The following CAST variants were observed in gnomAD, a reference collection of about 807,000 sequenced individuals.
The protein encoded by CAST is MIR583 host.
CAST carries 76 observed loss-of-function variants against 119.6 expected under a neutral mutation model. That is an observed-to-expected ratio of 0.64 (90% confidence interval 0.53 to 0.77). The LOEUF (loss-of-function observed/expected upper bound fraction) is 0.77. Ranked by LOEUF, CAST falls within the 30% of genes least tolerant of loss-of-function variation. CAST has a pLI of 0.00. For synonymous variants in CAST, 319 were observed against 331.6 expected (o/e 0.96, Z 0.41); for missense variants, 953 against 946.5 (o/e 1.01, Z -0.09).
chr5:96,496,979 T>G, the CAST span, among the ~76,000 whole-genome samples: 1 of 151,462 alleles, frequency 6.6e-6, no homozygotes, highest in African/African-American at 2.4e-5. Flanking sequence ...CATTTAACAT[T>G]AGGTATATCT....
chr5:96,147,531 A>G, the CAST span, among the ~76,000 whole-genome samples: 3 of 152,160 alleles, frequency 2.0e-5, no homozygotes, highest in African/African-American at 7.2e-5. Flanking sequence ...TGAACCTGGG[A>G]GGCGGAGCTT....
the CAST span, among the ~76,000 whole-genome samples, chr5:96,388,813 A>C: frequency 6.6e-6 from 1 of 152,162 alleles, no homozygotes; most frequent in Non-Finnish European, 1.5e-5. Flanking sequence ...CATTCAAAAG[A>C]AAGTAGAGAC....
the CAST span, among the ~76,000 whole-genome samples, chr5:96,031,906 A>G: frequency 6.6e-6 from 1 of 152,152 alleles, no homozygotes; most frequent in East Asian, 1.9e-4. Flanking sequence ...TAAGGTTGGA[A>G]TCAAGACATC....
the CAST span, among the ~76,000 whole-genome samples, chr5:96,367,432 C>T: frequency 6.6e-6 from 1 of 152,176 alleles, no homozygotes; most frequent in African/African-American, 2.4e-5. Context: ...GTGGAGTCTA[C>T]AGAGGCAGGG....
chr5:96,431,815 C>T, the CAST span, among the ~76,000 whole-genome samples: 1 of 152,114 alleles, frequency 6.6e-6, no homozygotes, highest in African/African-American at 2.4e-5. Flanking sequence ...AGAAAAAACG[C>T]GCCAAAATGT....
In CAST at chr5:96,687,963, T is replaced by TA. The variant is rs1269366412; in HGVS notation, c.139-7872dup. Reference sequence around the variant, plus strand: ...GAATTTAAAAGATAATGAGGGTTCTTACTACCAGCGCCAATAAGAAAGGTT... The same window carrying TA: ...GAATTTAAAAGATAATGAGGGTTCTTAACTACCAGCGCCAATAAGAAAGGTT... On this transcript the variant is annotated intron_variant, in intron 2 of 31. Coordinates refer to ENST00000675179, the MANE Select transcript of CAST (RefSeq NM_001750.7). Among the ~76,000 whole-genome samples, 11 of 152,356 alleles carry TA rather than the reference T, an allele frequency of 7.2e-5. No homozygotes were observed. In the East Asian group the frequency reaches 1.5e-3, roughly 21 times the overall value.
chr5:96,574,446 T>C (rs1746629909), intron 1 of CAST, among the ~76,000 whole-genome samples: 1 of 152,232 alleles, frequency 6.6e-6, no homozygotes, highest in South Asian at 2.1e-4. Context: ...AGTCATTTAT[T>C]GAACATACGG....
chr5:96,399,390 A>C, the CAST span, among the ~76,000 whole-genome samples: 1 of 152,178 alleles, frequency 6.6e-6, no homozygotes, highest in African/African-American at 2.4e-5. Context: ...GCAGGTCTTC[A>C]GTATTATTTT....
chr5:96,387,486 C>T, the CAST span, among the ~76,000 whole-genome samples: 68 of 152,194 alleles, frequency 4.5e-4, no homozygotes, highest in Non-Finnish European at 6.5e-4. Flanking sequence ...TTTCTTCCTT[C>T]TAATTCTCTC....
At chr5:96,571,963 T>A (rs975813686) in intron 1 of CAST, among the ~76,000 whole-genome samples, 2 of 152,154 alleles carry the variant, frequency 1.3e-5, no homozygotes, top group Admixed American at 6.5e-5. Flanking sequence ...AATTGTCCAA[T>A]GAAATTAATA....
At chr5:96,156,754 C>G in the CAST span, among the ~76,000 whole-genome samples, 1 of 152,130 alleles carries the variant, frequency 6.6e-6, no homozygotes, top group African/African-American at 2.4e-5. Context: ...AAACTTATTA[C>G]CCACCATTTG....
chr5:96,073,425 C>A, the CAST span, among the ~76,000 whole-genome samples: 1 of 152,138 alleles, frequency 6.6e-6, no homozygotes, highest in Admixed American at 6.5e-5. Flanking sequence ...ATCAGAAAGT[C>A]TAATACGTTT....
chr5:96,138,422 G>A, the CAST span, among the ~76,000 whole-genome samples: 1 of 151,804 alleles, frequency 6.6e-6, no homozygotes, highest in Non-Finnish European at 1.5e-5. Context: ...CTCCAACACT[G>A]TTCTTCTTCT....
chr5:96,177,373 A>G, the CAST span, among the ~76,000 whole-genome samples: 4 of 152,170 alleles, frequency 2.6e-5, no homozygotes, highest in Non-Finnish European at 5.9e-5. Context: ...AGAATATTGT[A>G]CTCTGGTCCT....
chr5:96,111,512 G>A, the CAST span, among the ~76,000 whole-genome samples: 1 of 152,260 alleles, frequency 6.6e-6, no homozygotes, highest in East Asian at 1.9e-4. Flanking sequence ...ACACACAGTT[G>A]GTTCCTCTGG....
At chr5:96,313,080 A>C in the CAST span, among the ~76,000 whole-genome samples, 3 of 152,152 alleles carry the variant, frequency 2.0e-5, no homozygotes, top group Non-Finnish European at 4.4e-5. Flanking sequence ...AAAAGGATAA[A>C]GATCAAAAGC....
At chr5:96,407,562 G>A in the CAST span, among the ~76,000 whole-genome samples, 1 of 152,178 alleles carries the variant, frequency 6.6e-6, no homozygotes, top group South Asian at 2.1e-4. Context: ...ATTAAAACAT[G>A]CTTGCCCTTT....
intron 3 of CAST, among the ~76,000 whole-genome samples, chr5:96,701,850 A>G (rs984439722): frequency 6.6e-6 from 1 of 152,038 alleles, no homozygotes; most frequent in Non-Finnish European, 1.5e-5. Context: ...TGCTCTGGAA[A>G]TGTTAGAATC....
the CAST span, among the ~76,000 whole-genome samples, chr5:96,159,366 C>T: frequency 1.3e-5 from 2 of 152,126 alleles, no homozygotes; most frequent in Admixed American, 6.5e-5. Flanking sequence ...CCTTAAAATG[C>T]TATTTTCTCC....
Sources: allele counts gnomAD v4.1 joint callset (sites outside exome capture counted in the v4.1 genomes callset), GRCh38; gene constraint gnomAD v4.1.1; transcripts MANE v1.5; gene names NCBI Gene and HGNC (gene_info 2026-07-23, HGNC 2026-07-21).